Variants in ARHGAP39 observed in about 807,000 individuals in gnomAD.
ARHGAP39 encodes Rho GTPase activating protein 39.
In ARHGAP39, 44 loss-of-function variants were observed where a neutral mutation model predicts 106.9. The ratio of observed to expected loss-of-function variants is 0.41; its 90% CI spans 0.32 to 0.53. ARHGAP39 has a LOEUF of 0.53. ARHGAP39 is among the 20% of genes least tolerant of loss of function. The pLI is 0.21. For synonymous variants in ARHGAP39, 768 were observed against 693.2 expected (o/e 1.11, Z -1.69); for missense variants, 1,496 against 1,577.3 (o/e 0.95, Z 0.87).
rs758586264 is a variant in ARHGAP39 at position 144,641,386 on chromosome 8, G to A, written c.-81-35691C>T. Among the ~76,000 whole-genome samples, 76 of 152,006 alleles carry A rather than the reference G, an allele frequency of 5.0e-4. No individual in the cohort carries two copies. Among genetic ancestry groups the A allele is most frequent in the African/African-American group, 1.3e-3 (53 of 41,402 alleles). ...AATGAGACAACATGGAGATGCAGAC[G>A]CAGGCAGATGATGGGCTGGTAAAGC... is the stretch of plus-strand genomic sequence containing the variant. On this transcript the variant is annotated intron_variant, in intron 1 of 11. Transcript: ENST00000377307. This position sits in a 1 kb window ranked among gnomAD's most constrained non-coding sequence, Gnocchi z 5.2.
rs1220205751 is a variant in ARHGAP39 at position 144,604,035 on chromosome 8, A to G, written c.80+1500T>C. 6.6e-6 allele frequency among the ~76,000 whole-genome samples: 1 copy of G among 152,232 alleles called. No individual in the cohort carries two copies. The highest frequency in any genetic ancestry group is 1.9e-4 in the East Asian group (1 of 5,204). On this transcript the variant is annotated intron_variant, in intron 2 of 11. Transcript: ENST00000377307. This position sits in a 1 kb window ranked among gnomAD's most constrained non-coding sequence, Gnocchi z 4.1. The stretch of plus-strand genomic sequence containing the variant: ...GCGAACAAACGAATGAAGAACGAAC[A>G]AACGAATGAACAAGGAGACAGCAGG...
chr8:144,593,275 G>C (rs1025079193), intron 2 of ARHGAP39, among the ~76,000 whole-genome samples: 8 of 152,182 alleles, frequency 5.3e-5, no homozygotes, highest in African/African-American at 1.9e-4. Context: ...GGACACAAGA[G>C]TGAACAAGAA....
chr8:144,651,200 G>A (rs1224779234), intron 1 of ARHGAP39, among the ~76,000 whole-genome samples: 5 of 152,070 alleles, frequency 3.3e-5, no homozygotes, highest in African/African-American at 1.2e-4. Flanking sequence ...GCTAACCAGG[G>A]AGGTAAAAGA....
At chr8:144,562,486 A>G (rs1405480839) in intron 3 of ARHGAP39, among the ~76,000 whole-genome samples, 2 of 129,310 alleles carry the variant, frequency 1.5e-5, no homozygotes, top group Non-Finnish European at 3.2e-5. Flanking sequence ...TTTCCATCGC[A>G]CTCCAGTGGT....
At chr8:144,689,248 T>C (rs1822695857), upstream of ARHGAP39, among the ~76,000 whole-genome samples, 1 of 151,372 alleles carries the variant, frequency 6.6e-6, no homozygotes, top group Non-Finnish European at 1.5e-5. Flanking sequence ...TTTTTACAAA[T>C]ATTTAACTAG....
chr8:144,667,608 C>T (rs1480050495), intron 1 of ARHGAP39, among the ~76,000 whole-genome samples: 1 of 152,190 alleles, frequency 6.6e-6, no homozygotes, highest in Non-Finnish European at 1.5e-5. Flanking sequence ...CTGTTTACAC[C>T]CTAAGGTCAC....
chr8:144,581,628 G>C (rs188574072), intron 2 of ARHGAP39, among the ~76,000 whole-genome samples: 1 of 152,200 alleles, frequency 6.6e-6, no homozygotes. Context: ...ACAGGCCTGC[G>C]AGTCATCACT....
intron 2 of ARHGAP39, among the ~76,000 whole-genome samples, chr8:144,600,464 A>G (rs1459472753): frequency 1.0e-5 from 1 of 97,016 alleles, no homozygotes; most frequent in Non-Finnish European, 2.0e-5. Flanking sequence ...TTGGGTACCT[A>G]CCTGCGTGTG....
intron 1 of ARHGAP39, among the ~76,000 whole-genome samples, chr8:144,675,112 C>T (rs1398682842): frequency 6.6e-6 from 1 of 152,228 alleles, no homozygotes; most frequent in African/African-American, 2.4e-5. Flanking sequence ...TCCCAGTTCC[C>T]ACCAGCTCCA....
At chr8:144,581,610 A>G (rs1818994974) in intron 2 of ARHGAP39, among the ~76,000 whole-genome samples, 1 of 152,200 alleles carries the variant, frequency 6.6e-6, no homozygotes, top group African/African-American at 2.4e-5. Flanking sequence ...GTCCTGCAGG[A>G]TCGTGGCACA....
At chr8:144,610,606 A>T (rs1474051180) in intron 1 of ARHGAP39, among the ~76,000 whole-genome samples, 1 of 151,896 alleles carries the variant, frequency 6.6e-6, no homozygotes, top group Non-Finnish European at 1.5e-5. Context: ...CAGCAACTCG[A>T]AAGGCTGAGG....
intron 3 of ARHGAP39, among the ~76,000 whole-genome samples, chr8:144,573,049 C>A (rs1177216919): frequency 6.6e-6 from 1 of 152,168 alleles, no homozygotes; most frequent in Non-Finnish European, 1.5e-5. Context: ...TGTGGCAATT[C>A]GTCAAGGATT....
rs1008138605 is a variant in ARHGAP39, at chr8:144,547,088, C to T, written c.1959+39G>A. 4 of 1,521,288 alleles carry T rather than the reference C, an allele frequency of 2.6e-6. No individual in the cohort carries two copies. Among genetic ancestry groups the T allele is most frequent in the East Asian group, 4.6e-5 (2 of 43,124 alleles). 94.2% of individuals were successfully genotyped at this position (1,521,288 alleles called of 1,614,324 possible). A position where few individuals can be genotyped will look rare whatever the true frequency, so the allele number is the denominator to read the frequency against. ...GGGGTCCACTCTGACTGGGCTGGCCCCAGGCTCTCAAGCTCAGCCGCGCCC... is the reference window on the plus strand; with the variant it reads ...GGGGTCCACTCTGACTGGGCTGGCCTCAGGCTCTCAAGCTCAGCCGCGCCC... On this transcript the variant is annotated intron_variant, in intron 5 of 11. Transcript: ENST00000377307. The surrounding 1 kb of genome is among the most constrained non-coding windows in gnomAD (Gnocchi z 5.2).
At chr8:144,650,016 G>A (rs532617748) in intron 1 of ARHGAP39, among the ~76,000 whole-genome samples, 5 of 152,042 alleles carry the variant, frequency 3.3e-5, no homozygotes, top group African/African-American at 1.2e-4. Context: ...GGTGGTGCAC[G>A]CCTGTAATCC....
At chr8:144,565,302 C>T (rs1818354199) in intron 3 of ARHGAP39, among the ~76,000 whole-genome samples, 1 of 151,454 alleles carries the variant, frequency 6.6e-6, no homozygotes, top group Non-Finnish European at 1.5e-5. Flanking sequence ...AAACCCACCA[C>T]TAGAAAGAAA....
intron 1 of ARHGAP39, among the ~76,000 whole-genome samples, chr8:144,653,413 A>G (rs1043494855): frequency 6.6e-6 from 1 of 152,230 alleles, no homozygotes; most frequent in African/African-American, 2.4e-5. Context: ...CCATCAAGTT[A>G]TAAACACGCA....
At chr8:144,533,922 G>C (rs949104276) in intron 8 of ARHGAP39, among the ~76,000 whole-genome samples, 1 of 152,088 alleles carries the variant, frequency 6.6e-6, no homozygotes, top group East Asian at 1.9e-4. Context: ...CTGGGGGTCC[G>C]GGCCCAGGAA....
At chr8:144,535,046 G>C (rs181017722) in intron 7 of ARHGAP39, among the ~76,000 whole-genome samples, 260 of 152,314 alleles carry the variant, frequency 1.7e-3, no homozygotes, top group African/African-American at 5.9e-3. Context: ...CATGGACCTC[G>C]GACAGATGGA....
chr8:144,530,985 C>T (rs996454536), intron 10 of ARHGAP39, 114 bp from the exon 11 acceptor site: 1 of 1,367,056 alleles, frequency 7.3e-7, no homozygotes, highest in East Asian at 2.5e-5. Flanking sequence ...CTGGGAGGGC[C>T]GGCTCATTCT....
Sources: allele counts gnomAD v4.1 joint callset (sites outside exome capture counted in the v4.1 genomes callset), GRCh38; gene constraint gnomAD v4.1.1; non-coding constraint Gnocchi (gnomAD v3.1); transcripts MANE v1.5; gene names NCBI Gene and HGNC (gene_info 2026-07-23, HGNC 2026-07-21).